The following ZNF804A variants were observed in gnomAD, a reference collection of about 807,000 sequenced individuals.
The protein encoded by ZNF804A is zinc finger protein 804A.
A neutral mutation model predicts 16.5 loss-of-function variants in ZNF804A; 2 were observed. The ratio of observed to expected loss-of-function variants is 0.12; its 90% confidence interval spans 0.05 to 0.38. ZNF804A has a LOEUF of 0.38. ZNF804A is among the 10% of genes least tolerant of loss of function. The pLI is 0.99. For missense variants in ZNF804A, 1,473 were observed against 1,390.7 expected, an observed-to-expected ratio of 1.06 and a Z score of -0.94; for synonymous variants, 534 against 489.6, an observed-to-expected ratio of 1.09 and a Z score of -1.20.
At chr2:184,734,415 C>G (rs1384956154) in intron 1 of ZNF804A, among the ~76,000 whole-genome samples, 3 of 152,220 alleles carry the variant, frequency 2.0e-5, no homozygotes, top group Admixed American at 2.0e-4. Context: ...GAAATATCTT[C>G]TATGACTTAT....
At chr2:184,621,638 C>G (rs1339455839) in intron 1 of ZNF804A, among the ~76,000 whole-genome samples, 1 of 151,600 alleles carries the variant, frequency 6.6e-6, no homozygotes, top group Non-Finnish European at 1.5e-5. Flanking sequence ...ATAGATTGTA[C>G]TGTTTAGTGC....
At chr2:184,779,926 G>T (rs761273105) in intron 1 of ZNF804A, among the ~76,000 whole-genome samples, 5 of 151,658 alleles carry the variant, frequency 3.3e-5, no homozygotes, top group Non-Finnish European at 7.4e-5. Context: ...TATTCACCAA[G>T]GTTTCAAGGG....
intron 1 of ZNF804A, among the ~76,000 whole-genome samples, chr2:184,841,586 T>C (rs1574236620): frequency 1.3e-5 from 2 of 152,304 alleles, no homozygotes; most frequent in African/African-American, 4.8e-5. Context: ...TATAGTCTTA[T>C]ATAAATGTTA....
chr2:184,713,285 C>A (rs1329626583), intron 1 of ZNF804A, among the ~76,000 whole-genome samples: 5 of 151,818 alleles, frequency 3.3e-5, no homozygotes, highest in Non-Finnish European at 5.9e-5. Flanking sequence ...CATTTCTGGG[C>A]AAGCCAGTTC....
intron 1 of ZNF804A, among the ~76,000 whole-genome samples, chr2:184,811,404 T>A (rs1294803464): frequency 1.3e-5 from 2 of 152,170 alleles, no homozygotes; most frequent in African/African-American, 4.8e-5. Flanking sequence ...TTGTCAATTT[T>A]ATCATAAACT....
At chr2:184,680,426 G>A (rs1208096903) in intron 1 of ZNF804A, among the ~76,000 whole-genome samples, 1 of 151,968 alleles carries the variant, frequency 6.6e-6, no homozygotes, top group Non-Finnish European at 1.5e-5. Context: ...GAACAGATGG[G>A]ATGACCTGCC....
intron 2 of ZNF804A, among the ~76,000 whole-genome samples, chr2:184,893,230 G>T (rs1310588521): frequency 6.6e-6 from 1 of 151,918 alleles, no homozygotes; most frequent in Non-Finnish European, 1.5e-5. Context: ...CTTTTTAAAT[G>T]TGTTTGCTCC....
chr2:184,863,765 C>T (rs961507198), intron 1 of ZNF804A, among the ~76,000 whole-genome samples: 11 of 152,228 alleles, frequency 7.2e-5, no homozygotes, highest in Admixed American at 4.6e-4. Context: ...CTGCCTCAAA[C>T]GCTTTAGCCA....
At chr2:184,887,643 G>A (rs891340769) in intron 2 of ZNF804A, among the ~76,000 whole-genome samples, 5 of 152,152 alleles carry the variant, frequency 3.3e-5, no homozygotes, top group African/African-American at 1.2e-4. Context: ...AAGAGAAAAC[G>A]AGGAGGAAGC....
At chr2:184,779,319 T>C (rs1422633172) in intron 1 of ZNF804A, among the ~76,000 whole-genome samples, 2 of 151,780 alleles carry the variant, frequency 1.3e-5, no homozygotes, top group East Asian at 1.9e-4. Context: ...TTTGTTTTCT[T>C]TTTTCCTAGG....
chr2:184,751,686 A>G (rs1693880057), intron 1 of ZNF804A, among the ~76,000 whole-genome samples: 1 of 151,818 alleles, frequency 6.6e-6, no homozygotes, highest in South Asian at 2.1e-4. Context: ...TAACAGAGTA[A>G]ACAGACAACC....
intron 1 of ZNF804A, among the ~76,000 whole-genome samples, chr2:184,830,996 A>G (rs16826218): frequency 0.037 from 5,619 of 152,176 alleles, 339 homozygotes; most frequent in African/African-American, 0.13. Flanking sequence ...TTGTGCTAGA[A>G]TAAAGCTCTG....
chr2:184,936,166 G>A lies in ZNF804A; in HGVS notation c.770G>A (p.Cys257Tyr), dbSNP rs748595144. Residue 257 changes from cysteine (C) to tyrosine (Y), a missense_variant, in exon 4 of 4, where the codon TGT becomes TAT. By Grantham distance (194) the Cys-to-Tyr change is radical. Transcript: ENST00000302277. ...AAAAGTAGATTTGTCCCCAGTGCTTGTCATCTTCAACAATCTTCACCAACA... is the reference window on the plus strand; with the variant it reads ...AAAAGTAGATTTGTCCCCAGTGCTTATCATCTTCAACAATCTTCACCAACA... ...SRKSRFVPSA[C>Y]HLQQSSPTDV... 1 of 1,614,016 alleles carries A rather than the reference G, an allele frequency of 6.2e-7. No homozygotes were observed. Among genetic ancestry groups the A allele is most frequent in the Admixed American group, 1.7e-5 (1 of 59,992 alleles).
chr2:184,747,014 C>T (rs896064760), intron 1 of ZNF804A, among the ~76,000 whole-genome samples: 2 of 151,204 alleles, frequency 1.3e-5, no homozygotes, highest in Non-Finnish European at 3.0e-5. Flanking sequence ...GATCCAAATC[C>T]CTCTTGCAGA....
chr2:184,737,990 G>T (rs920752824), intron 1 of ZNF804A, among the ~76,000 whole-genome samples: 3 of 151,914 alleles, frequency 2.0e-5, no homozygotes, highest in Non-Finnish European at 4.4e-5. Flanking sequence ...GCCAGGCATG[G>T]TGGTGCATGC....
intron 2 of ZNF804A, among the ~76,000 whole-genome samples, chr2:184,929,515 G>A (rs1685662860): frequency 6.6e-6 from 1 of 151,950 alleles, no homozygotes; most frequent in South Asian, 2.1e-4. Context: ...GTGTGAGTAT[G>A]TAATAACAAT....
chr2:184,751,741 G>A (rs1372511171), intron 1 of ZNF804A, among the ~76,000 whole-genome samples: 1 of 151,506 alleles, frequency 6.6e-6, no homozygotes, highest in African/African-American at 2.4e-5. Flanking sequence ...TCTTACAAAG[G>A]ACTAATATCC....
chr2:184,867,430 A>G (rs1411884756), intron 2 of ZNF804A, among the ~76,000 whole-genome samples: 1 of 152,138 alleles, frequency 6.6e-6, no homozygotes, highest in Non-Finnish European at 1.5e-5. Flanking sequence ...AAGAAAAAGT[A>G]GGGAAAGTGA....
chr2:184,850,667 A>T (rs1281045646), intron 1 of ZNF804A, among the ~76,000 whole-genome samples: 1 of 151,710 alleles, frequency 6.6e-6, no homozygotes, highest in Non-Finnish European at 1.5e-5. Flanking sequence ...TTTCAAAATG[A>T]TAAAAGCAAA....
Sources: allele counts gnomAD v4.1 joint callset (sites outside exome capture counted in the v4.1 genomes callset), GRCh38; gene constraint gnomAD v4.1.1; transcripts MANE v1.5; gene names NCBI Gene and HGNC (gene_info 2026-07-23, HGNC 2026-07-21).